MAF: variants seen among roughly 807,000 people sequenced by gnomAD.
MAF encodes the protein transcription factor Maf.
Under a neutral mutation model 22.0 loss-of-function variants are expected in MAF, and 10 were observed. The ratio of observed to expected loss-of-function variants is 0.45; its 90% CI spans 0.28 to 0.77. MAF has a LOEUF of 0.77. Among genes scored for constraint, MAF ranks in the 30% least tolerant of loss-of-function variants. The pLI is 0.12. For missense variants in MAF, 544 were observed against 548.4 expected (o/e 0.99, Z 0.08); for synonymous variants, 337 against 255.8 (o/e 1.32, Z -3.03).
At chr16:79,499,549 G>A in the MAF span, among the ~76,000 whole-genome samples, 1 of 152,124 alleles carries the variant, frequency 6.6e-6, no homozygotes, top group African/African-American at 2.4e-5. Flanking sequence ...TTTGAAAGGT[G>A]ATTAAGTCAC....
chr16:79,370,821 C>A, the MAF span, among the ~76,000 whole-genome samples: 1 of 152,174 alleles, frequency 6.6e-6, no homozygotes, highest in Non-Finnish European at 1.5e-5. Context: ...CCCCACCCTC[C>A]CTTTTCATAA....
the MAF span, among the ~76,000 whole-genome samples, chr16:79,298,657 T>C: frequency 6.6e-6 from 1 of 152,028 alleles, no homozygotes; most frequent in African/African-American, 2.4e-5. Flanking sequence ...TCACTTGTCA[T>C]GGGAAAGAGC....
At chr16:79,381,280 A>G in the MAF span, among the ~76,000 whole-genome samples, 5 of 152,242 alleles carry the variant, frequency 3.3e-5, no homozygotes, top group South Asian at 2.1e-4. Flanking sequence ...TGGTTTTAAC[A>G]AGGGTCACAT....
chr16:79,598,254 A>G (rs1256155533), intron 1 of MAF: 2 of 1,059,958 alleles, frequency 1.9e-6, no homozygotes, highest in South Asian at 8.7e-5. Flanking sequence ...GCAAGCTCTA[A>G]AAGTAAAATT....
the MAF span, among the ~76,000 whole-genome samples, chr16:79,281,528 A>G: frequency 0.91 from 135,943 of 148,932 alleles, 62,131 homozygotes; most frequent in East Asian, 1. Flanking sequence ...CACCTTGAGA[A>G]AGCTCACTCT....
At chr16:79,211,535 G>C in the MAF span, 1 of 1,599,658 alleles carries the variant, frequency 6.3e-7, no homozygotes, top group East Asian at 2.2e-5. Flanking sequence ...CTAATGCCCA[G>C]GCAGTCGAAA....
the MAF span, among the ~76,000 whole-genome samples, chr16:79,551,611 G>T: frequency 6.6e-6 from 1 of 152,054 alleles, no homozygotes; most frequent in African/African-American, 2.4e-5. Flanking sequence ...TGTCTTTTAG[G>T]GACCACTTGG....
At chr16:79,587,908 C>T (rs1597834666) in intron 1 of MAF, among the ~76,000 whole-genome samples, 2 of 149,926 alleles carry the variant, frequency 1.3e-5, no homozygotes, top group African/African-American at 4.9e-5. Context: ...ACCTGAATAG[C>T]GTCCAAAAGC....
At chr16:79,591,950 G>C (rs1285960000), downstream of MAF, among the ~76,000 whole-genome samples, 3 of 150,942 alleles carry the variant, frequency 2.0e-5, no homozygotes, top group African/African-American at 7.3e-5. Flanking sequence ...TTTTCAAAAA[G>C]GAAACATGTG....
the MAF span, among the ~76,000 whole-genome samples, chr16:79,473,193 C>T: frequency 6.6e-6 from 1 of 152,098 alleles, no homozygotes. Context: ...CAGCCACAGG[C>T]AGTCATATCC....
chr16:79,245,238 G>A, the MAF span, among the ~76,000 whole-genome samples: 1 of 151,944 alleles, frequency 6.6e-6, no homozygotes, highest in Admixed American at 6.6e-5. Context: ...AAACTAAAGA[G>A]CTTCTTCACA....
At chr16:79,242,196 C>G in the MAF span, among the ~76,000 whole-genome samples, 1 of 151,778 alleles carries the variant, frequency 6.6e-6, no homozygotes, top group Non-Finnish European at 1.5e-5. Flanking sequence ...ACAGTATTAA[C>G]CTTAAATGTA....
chr16:79,345,890 T>G, the MAF span, among the ~76,000 whole-genome samples: 1 of 152,032 alleles, frequency 6.6e-6, no homozygotes, highest in East Asian at 1.9e-4. Context: ...TTTACTTATT[T>G]TTTTTTTGCT....
the MAF span, among the ~76,000 whole-genome samples, chr16:79,525,009 T>A: frequency 6.6e-6 from 1 of 152,262 alleles, no homozygotes; most frequent in East Asian, 1.9e-4. Flanking sequence ...TAATAAGATT[T>A]AAAAAATTGG....
At chr16:79,579,211 G>C in the MAF span, among the ~76,000 whole-genome samples, 1 of 152,138 alleles carries the variant, frequency 6.6e-6, no homozygotes, top group Admixed American at 6.5e-5. Flanking sequence ...AAAAGTAAGG[G>C]AATGTGAATT....
At chr16:79,256,700 G>A in the MAF span, among the ~76,000 whole-genome samples, 2 of 152,176 alleles carry the variant, frequency 1.3e-5, no homozygotes, top group Non-Finnish European at 2.9e-5. Flanking sequence ...TGCCTTCCAT[G>A]TCTGTTCACC....
chr16:79,381,502 C>T, the MAF span, among the ~76,000 whole-genome samples: 1 of 152,136 alleles, frequency 6.6e-6, no homozygotes, highest in Non-Finnish European at 1.5e-5. Flanking sequence ...AAAGAAAGAG[C>T]GCTGTGGTTC....
At chr16:79,212,451 C>A in the MAF span, 1 of 256,396 alleles carries the variant, frequency 3.9e-6, no homozygotes. Context: ...GAGATTATAA[C>A]AAATTTTTCA....
chr16:79,544,737 C>T, the MAF span, among the ~76,000 whole-genome samples: 1 of 145,884 alleles, frequency 6.9e-6, no homozygotes, highest in African/African-American at 2.5e-5. Flanking sequence ...TGCACCACTG[C>T]ACTCCAGCCT....
Sources: allele counts gnomAD v4.1 joint callset (sites outside exome capture counted in the v4.1 genomes callset), GRCh38; gene constraint gnomAD v4.1.1; transcripts MANE v1.5; gene names NCBI Gene and HGNC (gene_info 2026-07-23, HGNC 2026-07-21).